SCLT1: variants seen among roughly 807,000 people sequenced by gnomAD.
The protein encoded by SCLT1 is sodium channel-associated protein 1.
A neutral mutation model predicts 112.8 loss-of-function variants in SCLT1; 78 were observed. The ratio of observed to expected loss-of-function variants is 0.69; its 90% CI spans 0.58 to 0.83. SCLT1 has a LOEUF of 0.83. Ranked by LOEUF, SCLT1 falls within the 40% of genes least tolerant of loss-of-function variation. SCLT1 has a pLI of 0.00. For synonymous variants in SCLT1, 257 were observed against 254.7 expected, an observed-to-expected ratio of 1.01 and a Z score of -0.09; for missense variants, 747 against 770.4, an observed-to-expected ratio of 0.97 and a Z score of 0.36.
chr4:129,069,999 C>T (rs1438336823), intron 2 of SCLT1, among the ~76,000 whole-genome samples: 2 of 152,092 alleles, frequency 1.3e-5, no homozygotes, highest in Non-Finnish European at 2.9e-5. Flanking sequence ...TTTTCTGCAT[C>T]TATTGAGATG....
chr4:129,014,594 G>C (rs1461494518), intron 5 of SCLT1, among the ~76,000 whole-genome samples: 1 of 152,166 alleles, frequency 6.6e-6, no homozygotes, highest in African/African-American at 2.4e-5. Flanking sequence ...CTCAGCTCCT[G>C]ACTTCTGGAC....
chr4:128,980,840 C>A (rs1741583978), intron 9 of SCLT1, among the ~76,000 whole-genome samples: 1 of 152,002 alleles, frequency 6.6e-6, no homozygotes. Flanking sequence ...TCACACATTT[C>A]TGTGTAGCTG....
At chr4:128,937,277 C>CAAAAAA (rs33922032) in intron 17 of SCLT1, among the ~76,000 whole-genome samples, 1 of 113,302 alleles carries the variant, frequency 8.8e-6, no homozygotes, top group Non-Finnish European at 1.9e-5. Context: ...GACTCTGTCT[C>CAAAAAA]AAAAAAAAAA....
chr4:128,981,449 A>G (rs1223035724), intron 9 of SCLT1, among the ~76,000 whole-genome samples: 1 of 152,200 alleles, frequency 6.6e-6, no homozygotes, highest in Non-Finnish European at 1.5e-5. Flanking sequence ...TGAAGATAAC[A>G]TTACTAGTGT....
intron 5 of SCLT1, among the ~76,000 whole-genome samples, chr4:129,008,152 T>G (rs1744195061): frequency 6.6e-6 from 1 of 152,212 alleles, no homozygotes; most frequent in Non-Finnish European, 1.5e-5. Flanking sequence ...TATTTACCCC[T>G]TCCATAGTTC....
chr4:128,961,183 T>A (rs1739696411), intron 11 of SCLT1, among the ~76,000 whole-genome samples: 1 of 152,046 alleles, frequency 6.6e-6, no homozygotes. Context: ...TTAGATTTCC[T>A]CCAAATATTT....
In SCLT1 at chr4:128,888,673, C is replaced by G; in HGVS notation, c.2004+6G>C. 1 of 1,575,890 alleles carries G rather than the reference C, an allele frequency of 6.3e-7. No homozygotes were observed. ...TATTATCTAGGGATAAGAGGATGCT[C>G]CCTACCTGCTGGGAAGCTGAAGCAG... is the stretch of plus-strand genomic sequence containing the variant. On this transcript the variant is annotated splice_donor_region_variant and intron_variant, in intron 20 of 20. Transcript: ENST00000281142.
chr4:129,092,360 T>C (rs1752918860), intron 1 of SCLT1, among the ~76,000 whole-genome samples: 1 of 152,244 alleles, frequency 6.6e-6, no homozygotes, highest in Non-Finnish European at 1.5e-5. Flanking sequence ...GTCACAAATA[T>C]TGTTCTATTT....
At chr4:129,063,928 T>A (rs1466373926) in intron 2 of SCLT1, among the ~76,000 whole-genome samples, 1 of 152,176 alleles carries the variant, frequency 6.6e-6, no homozygotes, top group African/African-American at 2.4e-5. Flanking sequence ...GTTGAGGGAA[T>A]CTCTCTTGGA....
At chr4:129,075,835 G>A (rs1272556000) in intron 2 of SCLT1, among the ~76,000 whole-genome samples, 4 of 152,236 alleles carry the variant, frequency 2.6e-5, no homozygotes, top group African/African-American at 7.2e-5. Context: ...AGCAACAGGA[G>A]TAGCCTTGCC....
chr4:129,038,897 A>G (rs1747423823), intron 5 of SCLT1, 144 bp downstream of exon 5: 2 of 640,446 alleles, frequency 3.1e-6, no homozygotes, highest in Middle Eastern at 4.3e-4. Flanking sequence ...GCTAACAAGT[A>G]ATCGAGCCAG....
intron 6 of SCLT1, among the ~76,000 whole-genome samples, chr4:129,002,171 T>C (rs1419708820): frequency 5.3e-5 from 8 of 152,066 alleles, no homozygotes; most frequent in Non-Finnish European, 1.2e-4. Flanking sequence ...ATTTAGAATT[T>C]GTAGCCCCCA....
intron 18 of SCLT1, among the ~76,000 whole-genome samples, chr4:128,927,153 G>A (rs975574913): frequency 1.3e-5 from 2 of 151,866 alleles, no homozygotes; most frequent in African/African-American, 2.4e-5. Context: ...GCTATCTAGT[G>A]TTTCTAAATC....
chr4:129,005,417 G>A (rs936771805), intron 5 of SCLT1, among the ~76,000 whole-genome samples: 9 of 152,114 alleles, frequency 5.9e-5, no homozygotes, highest in African/African-American at 1.7e-4. Flanking sequence ...ATGAAAAAAT[G>A]CTCATCATCA....
intron 9 of SCLT1, chr4:128,971,859 A>G (rs1220792570): frequency 6.6e-6 from 1 of 152,072 alleles, no homozygotes; most frequent in Non-Finnish European, 1.5e-5. Flanking sequence ...CATCTCTACT[A>G]AAAATACAAA....
At chr4:129,008,246 G>T (rs1744205337) in intron 5 of SCLT1, among the ~76,000 whole-genome samples, 1 of 152,126 alleles carries the variant, frequency 6.6e-6, no homozygotes, top group East Asian at 1.9e-4. Context: ...GTTTTCATCT[G>T]AAAATGTACT....
chr4:129,021,326 C>T (rs1203185797), intron 5 of SCLT1, among the ~76,000 whole-genome samples: 2 of 152,132 alleles, frequency 1.3e-5, no homozygotes, highest in East Asian at 1.9e-4. Context: ...GCGCCTGGAA[C>T]GAGAGTGAGA....
At chr4:128,931,970 T>C (rs1736810816) in intron 18 of SCLT1, among the ~76,000 whole-genome samples, 1 of 151,268 alleles carries the variant, frequency 6.6e-6, no homozygotes, top group African/African-American at 2.4e-5. Flanking sequence ...TTAACAATTA[T>C]AGCCCATCTG....
intron 2 of SCLT1, among the ~76,000 whole-genome samples, chr4:129,072,152 C>G (rs912746818): frequency 6.6e-6 from 1 of 152,118 alleles, no homozygotes; most frequent in Non-Finnish European, 1.5e-5. Context: ...CTAATCCCTT[C>G]CAGCTTGTCT....
Sources: gnomAD v4.1 joint callset for allele counts (sites outside exome capture counted in the v4.1 genomes callset) on GRCh38, gnomAD v4.1.1 for gene constraint, MANE v1.5 for transcripts, NCBI Gene and HGNC (gene_info 2026-07-23, HGNC 2026-07-21) for gene names.